Variants in GRID2 observed in about 807,000 individuals in gnomAD.
GRID2 encodes glutamate ionotropic receptor delta type subunit 2.
A neutral mutation model predicts 114.8 loss-of-function variants in GRID2; 33 were observed. The observed-to-expected ratio is 0.29, with a 90% CI of 0.22 to 0.38. GRID2 has a LOEUF of 0.38. Among genes scored for constraint, GRID2 ranks in the 10% least tolerant of loss-of-function variants. The pLI, the probability that GRID2 is intolerant of heterozygous loss-of-function variation, is 1.00. For synonymous variants in GRID2, 505 were observed against 449.9 expected, an observed-to-expected ratio of 1.12 and a Z score of -1.55; for missense variants, 1,184 against 1,257.7, an observed-to-expected ratio of 0.94 and a Z score of 0.89.
At chr4:93,518,987 G>T (rs1227321365) in intron 13 of GRID2, among the ~76,000 whole-genome samples, 1 of 152,156 alleles carries the variant, frequency 6.6e-6, no homozygotes, top group East Asian at 1.9e-4. Context: ...GCAATGCAAA[G>T]TATGGTCCTG....
chr4:92,660,633 A>G (rs1487480207), intron 2 of GRID2, among the ~76,000 whole-genome samples: 2 of 151,210 alleles, frequency 1.3e-5, no homozygotes, highest in African/African-American at 4.8e-5. Context: ...TTAAAAGGTA[A>G]TTCCTTACTT....
chr4:93,393,593 A>T (rs1382742967), intron 8 of GRID2, among the ~76,000 whole-genome samples: 1 of 152,020 alleles, frequency 6.6e-6, no homozygotes, highest in Non-Finnish European at 1.5e-5. Flanking sequence ...TCCAAATACT[A>T]GAATGCTTTA....
chr4:93,040,702 G>A (rs1220349821), intron 2 of GRID2, among the ~76,000 whole-genome samples: 1 of 152,116 alleles, frequency 6.6e-6, no homozygotes, highest in Non-Finnish European at 1.5e-5. Flanking sequence ...CTGAGAATAA[G>A]CACTCTTGAA....
intron 2 of GRID2, among the ~76,000 whole-genome samples, chr4:92,603,324 A>G (rs1048916960): frequency 6.6e-6 from 1 of 152,162 alleles, no homozygotes; most frequent in African/African-American, 2.4e-5. Flanking sequence ...TAACCAAAAC[A>G]GCATGGTACT....
intron 8 of GRID2, among the ~76,000 whole-genome samples, chr4:93,346,560 G>C (rs915685696): frequency 2.0e-5 from 3 of 152,022 alleles, no homozygotes; most frequent in Admixed American, 1.3e-4. Flanking sequence ...GAGGAGATTG[G>C]GGAAAATTTG....
chr4:93,418,876 G>C (rs1767984603), intron 9 of GRID2, among the ~76,000 whole-genome samples: 1 of 151,908 alleles, frequency 6.6e-6, no homozygotes, highest in Non-Finnish European at 1.5e-5. Flanking sequence ...GTTAAAATTT[G>C]AGATTAAACT....
At chr4:93,779,952 A>G (rs1208232944) in intron 1 of GRID2, among the ~76,000 whole-genome samples, 2 of 152,218 alleles carry the variant, frequency 1.3e-5, no homozygotes, top group African/African-American at 4.8e-5. Context: ...TATTCAACAT[A>G]TGTTTACCCA....
At chr4:93,659,849 A>G (rs945473799) in intron 14 of GRID2, among the ~76,000 whole-genome samples, 2 of 152,218 alleles carry the variant, frequency 1.3e-5, no homozygotes, top group South Asian at 2.1e-4. Flanking sequence ...ATCAAGATAT[A>G]AGATCTGACC....
intron 2 of GRID2, among the ~76,000 whole-genome samples, chr4:92,970,007 G>C (rs969246164): frequency 6.6e-6 from 1 of 151,750 alleles, no homozygotes; most frequent in Admixed American, 6.6e-5. Flanking sequence ...AAAATTTCCG[G>C]GCTAACAATG....
intron 1 of GRID2, among the ~76,000 whole-genome samples, chr4:92,505,569 A>G (rs1723922476): frequency 6.6e-6 from 1 of 152,024 alleles, no homozygotes; most frequent in Non-Finnish European, 1.5e-5. Context: ...TTAATGCCAC[A>G]TGTGCCCTTT....
chr4:93,190,942 A>G (rs1167374531), intron 4 of GRID2, among the ~76,000 whole-genome samples: 2 of 151,966 alleles, frequency 1.3e-5, no homozygotes, highest in African/African-American at 4.8e-5. Flanking sequence ...TGTGATTTCT[A>G]TGGCTTACAG....
chr4:92,616,864 T>G (rs1250402105), intron 2 of GRID2, among the ~76,000 whole-genome samples: 1 of 151,550 alleles, frequency 6.6e-6, no homozygotes, highest in Non-Finnish European at 1.5e-5. Flanking sequence ...AGAATCATTC[T>G]CTGCTAAATC....
chr4:93,057,327 A>G (rs908549940), intron 2 of GRID2, among the ~76,000 whole-genome samples: 4 of 151,988 alleles, frequency 2.6e-5, no homozygotes, highest in Admixed American at 1.3e-4. Flanking sequence ...GCTTTTAACA[A>G]AAAGAAACAT....
At chr4:93,176,287 C>T (rs1432183748) in intron 4 of GRID2, among the ~76,000 whole-genome samples, 2 of 152,086 alleles carry the variant, frequency 1.3e-5, no homozygotes, top group East Asian at 3.9e-4. Context: ...AATTTTTCCT[C>T]ACCAATCTCA....
chr4:93,076,112 AG>A (rs1729268940), intron 2 of GRID2, among the ~76,000 whole-genome samples: 1 of 152,022 alleles, frequency 6.6e-6, no homozygotes, highest in Non-Finnish European at 1.5e-5. Flanking sequence ...CGTGTTAGCC[AG>A]GATGGTCTCG....
intron 4 of GRID2, among the ~76,000 whole-genome samples, chr4:93,173,530 T>C (rs1172618600): frequency 6.6e-6 from 1 of 152,210 alleles, no homozygotes; most frequent in Non-Finnish European, 1.5e-5. Flanking sequence ...AAGCTTGGAA[T>C]TGATGATAAA....
chr4:92,927,781 T>A (rs2149515916), intron 2 of GRID2, among the ~76,000 whole-genome samples: 1 of 151,858 alleles, frequency 6.6e-6, no homozygotes, highest in East Asian at 1.9e-4. Context: ...TTACAAGCCT[T>A]TTTGTGAAGT....
chr4:93,139,259 A>G (rs1393717279), intron 4 of GRID2, among the ~76,000 whole-genome samples: 3 of 152,178 alleles, frequency 2.0e-5, no homozygotes, highest in Non-Finnish European at 4.4e-5. Flanking sequence ...AACCAGAAGG[A>G]AAGACAGCTC....
chr4:93,478,102 T>C (rs1183946965), intron 11 of GRID2, among the ~76,000 whole-genome samples: 1 of 152,052 alleles, frequency 6.6e-6, no homozygotes, highest in Non-Finnish European at 1.5e-5. Context: ...CAATGGGCTC[T>C]TTTTTTCCCT....
Sources: gnomAD v4.1 joint callset for allele counts (sites outside exome capture counted in the v4.1 genomes callset) on GRCh38, gnomAD v4.1.1 for gene constraint, MANE v1.5 for transcripts, NCBI Gene and HGNC (gene_info 2026-07-23, HGNC 2026-07-21) for gene names.